NTNG1: variants seen among roughly 807,000 people sequenced by gnomAD.
NTNG1 encodes netrin-G1.
Under a neutral mutation model 54.0 loss-of-function variants are expected in NTNG1, and 16 were observed. That is an observed-to-expected ratio of 0.30 (90% confidence interval 0.20 to 0.45). NTNG1 has a LOEUF of 0.45. Ranked by LOEUF, NTNG1 falls within the 20% of genes least tolerant of loss-of-function variation. The pLI is 1.00. For missense variants in NTNG1, 530 were observed against 678.7 expected (o/e 0.78, Z 2.43); for synonymous variants, 255 against 263.1 (o/e 0.97, Z 0.30).
intron 2 of NTNG1, among the ~76,000 whole-genome samples, chr1:107,261,172 T>A (rs1298266311): frequency 2.6e-5 from 4 of 152,210 alleles, no homozygotes; most frequent in Non-Finnish European, 5.9e-5. Flanking sequence ...TCCTGGGTCC[T>A]GTGCCAGGTA....
chr1:107,415,973 T>A (rs1674171730), intron 5 of NTNG1, among the ~76,000 whole-genome samples: 1 of 152,142 alleles, frequency 6.6e-6, no homozygotes, highest in African/African-American at 2.4e-5. Context: ...AGAGAGTAAT[T>A]GGCTAATTTT....
rs1374257972 is a variant in NTNG1, at chr1:107,309,161, G to A, written c.247-15121G>A. The stretch of plus-strand genomic sequence containing the variant: ...ATCTATCCTCCTTTCATTTTATACT[G>A]CACTGCATTTATCCACTATTTCTTA... On this transcript the variant is annotated intron_variant, in intron 2 of 7. Coordinates refer to ENST00000370068, the MANE Select transcript of NTNG1 (RefSeq NM_001113226.3). Among the ~76,000 whole-genome samples the A allele has an allele frequency of 6.6e-5, 10 of 151,994 alleles. No homozygotes were observed. The South Asian group carries it at 1.9e-3, about 28-fold the overall frequency.
At chr1:107,222,448 C>T (rs1660407414) in intron 2 of NTNG1, among the ~76,000 whole-genome samples, 1 of 152,040 alleles carries the variant, frequency 6.6e-6, no homozygotes, top group Admixed American at 6.6e-5. Flanking sequence ...CAGAGACTAA[C>T]TTTAGGGTTG....
At chr1:107,343,883 G>A (rs1478801243) in intron 3 of NTNG1, among the ~76,000 whole-genome samples, 1 of 152,098 alleles carries the variant, frequency 6.6e-6, no homozygotes, top group Non-Finnish European at 1.5e-5. Flanking sequence ...GCTGCACTTG[G>A]AAGTTACACA....
intron 5 of NTNG1, 60 bp from the exon 6 acceptor site, chr1:107,430,690 A>G: frequency 6.6e-7 from 1 of 1,516,196 alleles, no homozygotes; most frequent in Non-Finnish European, 9.1e-7. Flanking sequence ...CCAAGCATGT[A>G]GTATGCTATT....
At position 107,249,159 on chromosome 1, in the gene NTNG1, C is replaced by CAATAATAAT. The variant is rs71095305; in HGVS notation, c.247-75107_247-75099dup. Among the ~76,000 whole-genome samples, 852 of 143,768 alleles carry CAATAATAAT rather than the reference C, an allele frequency of 5.9e-3. 6 individuals are homozygous for CAATAATAAT. Among genetic ancestry groups the CAATAATAAT allele is most frequent in the Middle Eastern group, 0.011 (3 of 278 alleles). The allele number at this position is 143,768 out of a possible 152,430, so 94.3% of individuals were successfully genotyped here. A position where few individuals can be genotyped will look rare whatever the true frequency, so the allele number is the denominator to read the frequency against. Reference sequence around the variant, plus strand: ...GGGTGACAAGAGTGAGACTCTATCTCAATAATAATAATAATAATAATAATT... The same window carrying CAATAATAAT: ...GGGTGACAAGAGTGAGACTCTATCTCAATAATAATAATAATAATAATAATAATAATAATT... On this transcript the variant is annotated intron_variant, in intron 2 of 7. Transcript: ENST00000370068.
chr1:107,206,781 G>T (rs1659225486), intron 2 of NTNG1, among the ~76,000 whole-genome samples: 1 of 152,088 alleles, frequency 6.6e-6, no homozygotes, highest in Non-Finnish European at 1.5e-5. Context: ...TTGGTGGAGG[G>T]CTTATGAGTG....
intron 5 of NTNG1, among the ~76,000 whole-genome samples, chr1:107,427,768 T>C (rs193167094): frequency 6.6e-6 from 1 of 152,282 alleles, no homozygotes; most frequent in Non-Finnish European, 1.5e-5. Context: ...AGTTATCATT[T>C]GAAATAAATT....
At chr1:107,159,827 G>A (rs1449302505) in intron 2 of NTNG1, among the ~76,000 whole-genome samples, 8 of 152,244 alleles carry the variant, frequency 5.3e-5, no homozygotes, top group Middle Eastern at 3.4e-3. Flanking sequence ...TACATATTAC[G>A]TGATGAGTGT....
chr1:107,434,485 T>C (rs1047372902), intron 6 of NTNG1, among the ~76,000 whole-genome samples: 5 of 152,334 alleles, frequency 3.3e-5, no homozygotes, highest in African/African-American at 1.2e-4. Context: ...CTAGAGGATA[T>C]ATGGTTTGTG....
chr1:107,238,281 G>A (rs977043383), intron 2 of NTNG1, among the ~76,000 whole-genome samples: 1 of 152,170 alleles, frequency 6.6e-6, no homozygotes, highest in African/African-American at 2.4e-5. Flanking sequence ...TTTCCCCTAT[G>A]TGGAATGGCT....
intron 4 of NTNG1, among the ~76,000 whole-genome samples, chr1:107,403,308 C>G (rs1673164157): frequency 6.6e-6 from 1 of 151,458 alleles, no homozygotes; most frequent in Non-Finnish European, 1.5e-5. Context: ...GCATAATAGC[C>G]CTTTAGCTTA....
chr1:107,404,948 G>A (rs1201944545), intron 4 of NTNG1, among the ~76,000 whole-genome samples: 1 of 152,126 alleles, frequency 6.6e-6, no homozygotes, highest in African/African-American at 2.4e-5. Flanking sequence ...TCATTCCTGT[G>A]GCTTTTAGAC....
intron 3 of NTNG1, among the ~76,000 whole-genome samples, chr1:107,357,667 A>G (rs1251548953): frequency 6.6e-6 from 1 of 152,130 alleles, no homozygotes; most frequent in Non-Finnish European, 1.5e-5. Flanking sequence ...AACAAAGGGA[A>G]CTGGAAAAAA....
intron 7 of NTNG1, among the ~76,000 whole-genome samples, chr1:107,451,228 A>G (rs1570988804): frequency 6.6e-6 from 1 of 151,758 alleles, no homozygotes. Flanking sequence ...TTTATGCTAG[A>G]AAGACTAACA....
chr1:107,175,238 AT>A (rs1468983529), intron 2 of NTNG1, among the ~76,000 whole-genome samples: 2 of 152,092 alleles, frequency 1.3e-5, no homozygotes, highest in Non-Finnish European at 2.9e-5. Context: ...CTGCAATTTG[AT>A]TTGGGACTTG....
chr1:107,451,541 T>C (rs1316706977), intron 7 of NTNG1, among the ~76,000 whole-genome samples: 1 of 152,180 alleles, frequency 6.6e-6, no homozygotes, highest in Admixed American at 6.5e-5. Flanking sequence ...TCAGCCATCT[T>C]GGTTTCGTCT....
At chr1:107,448,712 C>T (rs1676443617) in intron 7 of NTNG1, among the ~76,000 whole-genome samples, 1 of 152,012 alleles carries the variant, frequency 6.6e-6, no homozygotes. Flanking sequence ...GGCATACATA[C>T]ACCTTGGAAC....
At chr1:107,376,039 A>T (rs1462002548) in intron 3 of NTNG1, among the ~76,000 whole-genome samples, 1 of 152,236 alleles carries the variant, frequency 6.6e-6, no homozygotes, top group Non-Finnish European at 1.5e-5. Flanking sequence ...TAATTTGCCA[A>T]CATTTATTGA....
Sources: gnomAD v4.1 joint callset for allele counts (sites outside exome capture counted in the v4.1 genomes callset) on GRCh38, gnomAD v4.1.1 for gene constraint, MANE v1.5 for transcripts, NCBI Gene and HGNC (gene_info 2026-07-23, HGNC 2026-07-21) for gene names.